BDH1: variants seen among roughly 807,000 people sequenced by gnomAD.
The protein encoded by BDH1 is 3-hydroxybutyrate dehydrogenase 1.
BDH1 carries 30 observed loss-of-function variants against 33.1 expected under a neutral mutation model. The ratio of observed to expected loss-of-function variants is 0.91; its 90% CI spans 0.68 to 1.23. The LOEUF is 1.23. Ranked by LOEUF, BDH1 falls within the 50% of genes most tolerant of loss-of-function variation. The pLI, the probability that BDH1 is intolerant of heterozygous loss-of-function variation, is 0.00. For synonymous variants in BDH1, 190 were observed against 183.6 expected (o/e 1.03, Z -0.28); for missense variants, 443 against 464.4 (o/e 0.95, Z 0.42).
chr3:197,523,547 C>T lies in BDH1; in HGVS notation c.268-766G>A, dbSNP rs1213604961. On this transcript the variant is annotated intron_variant, in intron 5 of 7. Coordinates refer to ENST00000392379, the MANE Select transcript of BDH1 (RefSeq NM_203314.3). The surrounding 1 kb of genome is among the most constrained non-coding windows in gnomAD (Gnocchi z 4.5). The stretch of plus-strand genomic sequence containing the variant: ...CTAAAGCACCACACAAATTCAGGTA[C>T]TGCTAAACAGGAGAAAGGCGTCACT... 6.6e-6 allele frequency among the ~76,000 whole-genome samples: 1 copy of T among 152,232 alleles called. No homozygotes were observed. Among genetic ancestry groups the T allele is most frequent in the Non-Finnish European group, 1.5e-5 (1 of 68,048 alleles).
chr3:197,541,832 G>T (rs1021205375), intron 3 of BDH1, among the ~76,000 whole-genome samples: 8 of 152,160 alleles, frequency 5.3e-5, no homozygotes, highest in East Asian at 3.9e-4. Flanking sequence ...TCCCCAGGGG[G>T]TTCCCCTTTG....
rs1258813402 is a variant in BDH1 at position 197,510,371 on chromosome 3, A to T, written c.*1524T>A. ...AGGCGGAAACGCGGAGTCTGATTCG[A>T]AGGCGGGCACTGGGGACCCTGCCCC... On this transcript the variant is annotated 3_prime_UTR_variant, in exon 8 of 8. Transcript: ENST00000392379. The T allele has an allele frequency of 6.6e-6, 1 of 152,178 alleles. No individual in the cohort carries two copies. Among genetic ancestry groups the T allele is most frequent in the Non-Finnish European group, 1.5e-5 (1 of 68,086 alleles). The allele number at this position is 152,178 out of a possible 1,614,324, so 9.4% of individuals were successfully genotyped here.
At chr3:197,572,846 ATATC>A (rs1349073769) in intron 1 of BDH1, among the ~76,000 whole-genome samples, 3 of 152,342 alleles carry the variant, frequency 2.0e-5, no homozygotes, top group Admixed American at 6.5e-5. Flanking sequence ...TTTTCAAAGA[ATATC>A]TAATGTATTA....
rs1714155016 is a variant in BDH1 at position 197,526,918 on chromosome 3, G to T, written c.268-4137C>A. Among the ~76,000 whole-genome samples the T allele has an allele frequency of 6.6e-6, 1 of 152,170 alleles. No homozygotes were observed. Among genetic ancestry groups the T allele is most frequent in the Non-Finnish European group, 1.5e-5 (1 of 68,038 alleles). On this transcript the variant is annotated intron_variant, in intron 5 of 7. Coordinates refer to ENST00000392379, the MANE Select transcript of BDH1 (RefSeq NM_203314.3). This position sits in a 1 kb window ranked among gnomAD's most constrained non-coding sequence, Gnocchi z 4.7. ...TGGAGAAGTCCAGAAGCTCTCCAAG[G>T]CATTCATATGAAGCCCACCTCATTT...
rs372692279 is a variant in BDH1 at position 197,532,403 on chromosome 3, G to A, written c.267+9C>T. ...AAGACAATGGTGAAGAAGATAACTCGTCTCTTACCTTCATCAAGCAGCCAG... is the reference window on the plus strand; with the variant it reads ...AAGACAATGGTGAAGAAGATAACTCATCTCTTACCTTCATCAAGCAGCCAG... On this transcript the variant is annotated intron_variant, in intron 5 of 7. Transcript: ENST00000392379. 7.9e-5 allele frequency: 127 copies of A among 1,605,762 alleles called. No homozygotes were observed. Among genetic ancestry groups the A allele is most frequent in the Admixed American group, 3.5e-4 (21 of 59,988 alleles).
intron 6 of BDH1, chr3:197,515,732 A>AACAC (rs3061411): frequency 0.41 from 406,701 of 984,454 alleles, 87,610 homozygotes; most frequent in African/African-American, 0.74. Context: ...GGCTTCCAAG[A>AACAC]ACTCTATCCT....
At chr3:197,538,479 G>A (rs1443009527) in intron 3 of BDH1, 1 of 434,194 alleles carries the variant, frequency 2.3e-6, no homozygotes, top group Non-Finnish European at 4.6e-6. Flanking sequence ...AGCCTCCTGA[G>A]TAGCCGGGAC....
At chr3:197,532,574 G>A (rs774066108) in intron 4 of BDH1, 52 bp from the exon 5 acceptor site, 1 of 1,375,460 alleles carries the variant, frequency 7.3e-7, no homozygotes, top group Non-Finnish European at 1.0e-6. Flanking sequence ...CAGGGGCAAA[G>A]TGACCAGGCC....
At chr3:197,532,626 G>A in intron 4 of BDH1, 104 bp from the exon 5 acceptor site, 1 of 786,426 alleles carries the variant, frequency 1.3e-6, no homozygotes. Flanking sequence ...TTCCTGAGTG[G>A]CCCAAGCCTG....
chr3:197,562,617 T>C (rs1289969940), intron 1 of BDH1, among the ~76,000 whole-genome samples: 2 of 152,120 alleles, frequency 1.3e-5, no homozygotes, highest in African/African-American at 4.8e-5. Context: ...TCAGAGGACA[T>C]AGACCTCTGG....
chr3:197,571,918 A>C (rs1374192360), intron 1 of BDH1, among the ~76,000 whole-genome samples: 1 of 152,210 alleles, frequency 6.6e-6, no homozygotes, highest in Non-Finnish European at 1.5e-5. Context: ...AAAGTTAGCC[A>C]GGCAAGGTTG....
At chr3:197,534,717 TC>T (rs1232117309) in intron 3 of BDH1, among the ~76,000 whole-genome samples, 2 of 152,230 alleles carry the variant, frequency 1.3e-5, no homozygotes, top group Admixed American at 1.3e-4. Flanking sequence ...CAACCCAGTT[TC>T]CCCACAGCCT....
Position 197,514,551 on chromosome 3 carries a change from T to C in BDH1, c.410-135A>G. ...CTCTCGCCCAGTGCTCTCAAGAAACTTTCTAGAGTCACTCAGGAACGACAG... is the reference window on the plus strand; with the variant it reads ...CTCTCGCCCAGTGCTCTCAAGAAACCTTCTAGAGTCACTCAGGAACGACAG... On this transcript the variant is annotated intron_variant, in intron 6 of 7. Coordinates refer to ENST00000392379, the MANE Select transcript of BDH1 (RefSeq NM_203314.3). This position sits in a 1 kb window ranked among gnomAD's most constrained non-coding sequence, Gnocchi z 4.2. The C allele has an allele frequency of 9.5e-7, 1 of 1,056,658 alleles. No individual in the cohort carries two copies. The highest frequency in any genetic ancestry group is 1.3e-6 in the Non-Finnish European group (1 of 744,166). The allele number at this position is 1,056,658 out of a possible 1,614,324, so 65.5% of individuals were successfully genotyped here.
chr3:197,559,655 T>C (rs766528858), upstream of BDH1, among the ~76,000 whole-genome samples: 63 of 152,226 alleles, frequency 4.1e-4, no homozygotes, highest in Admixed American at 6.5e-4. Context: ...TAAGGAAGAA[T>C]TTATTTGTTT....
At chr3:197,550,367 C>T (rs1318027655) in intron 2 of BDH1, among the ~76,000 whole-genome samples, 2 of 152,124 alleles carry the variant, frequency 1.3e-5, no homozygotes, top group Admixed American at 6.5e-5. Flanking sequence ...GCTTCGGTGG[C>T]GACCAGTTCT....
At chr3:197,543,213 G>C (rs1560331937) in intron 3 of BDH1, 1 of 981,640 alleles carries the variant, frequency 1.0e-6, no homozygotes, top group Non-Finnish European at 1.2e-6. Context: ...CACAGGTGCA[G>C]CTCGGGAGAA....
chr3:197,550,054 G>A (rs760535631), intron 2 of BDH1, among the ~76,000 whole-genome samples: 3 of 151,616 alleles, frequency 2.0e-5, no homozygotes, highest in Admixed American at 6.6e-5. Flanking sequence ...TCAGCTATAC[G>A]TGGGAGCTTC....
intron 1 of BDH1, among the ~76,000 whole-genome samples, chr3:197,561,152 T>C (rs1055410636): frequency 2.0e-5 from 3 of 152,156 alleles, no homozygotes; most frequent in African/African-American, 7.2e-5. Context: ...TTGGTAACCA[T>C]GGAGGGATTC....
chr3:197,569,557 G>T (rs1175987398), intron 1 of BDH1, among the ~76,000 whole-genome samples: 2 of 152,060 alleles, frequency 1.3e-5, no homozygotes, highest in Non-Finnish European at 2.9e-5. Flanking sequence ...GAATCATGAG[G>T]GTAGTTTCCC....
Sources: allele counts gnomAD v4.1 joint callset (sites outside exome capture counted in the v4.1 genomes callset), GRCh38; gene constraint gnomAD v4.1.1; non-coding constraint Gnocchi (gnomAD v3.1); transcripts MANE v1.5; gene names NCBI Gene and HGNC (gene_info 2026-07-23, HGNC 2026-07-21).